The following TRIM33 variants were observed in gnomAD, a reference collection of about 807,000 sequenced individuals.
TRIM33 encodes tripartite motif containing 33, also known as E3 ubiquitin-protein ligase TRIM33.
A neutral mutation model predicts 125.4 loss-of-function variants in TRIM33; 20 were observed. The observed-to-expected ratio is 0.16, with a 90% confidence interval of 0.11 to 0.23. The LOEUF (loss-of-function observed/expected upper bound fraction) is 0.23, where lower values mean the gene tolerates loss of function less well. Ranked by LOEUF, TRIM33 falls within the 10% of genes least tolerant of loss-of-function variation. TRIM33 has a pLI of 1.00. For missense variants in TRIM33, 920 were observed against 1,411.4 expected (o/e 0.65, Z 5.58); for synonymous variants, 564 against 513.9 (o/e 1.10, Z -1.32).
At chr1:114,505,864 A>G (rs1297747867) in intron 1 of TRIM33, among the ~76,000 whole-genome samples, 2 of 152,148 alleles carry the variant, frequency 1.3e-5, no homozygotes, top group Admixed American at 1.3e-4. Flanking sequence ...CACTGTGCCC[A>G]GTCCACAGTA....
At chr1:114,479,923 G>A (rs1034606110) in intron 1 of TRIM33, among the ~76,000 whole-genome samples, 19 of 150,334 alleles carry the variant, frequency 1.3e-4, no homozygotes, top group Admixed American at 8.6e-4. Flanking sequence ...CTGCCCGGCC[G>A]CCCCTGCTGG....
chr1:114,401,772 A>G (rs998904693), intron 16 of TRIM33, among the ~76,000 whole-genome samples: 12 of 152,228 alleles, frequency 7.9e-5, no homozygotes, highest in African/African-American at 2.7e-4. Context: ...TAATAAATAA[A>G]TAAGTAAATA....
intron 1 of TRIM33, among the ~76,000 whole-genome samples, chr1:114,495,893 T>A (rs967563401): frequency 7.2e-5 from 11 of 152,240 alleles, no homozygotes; most frequent in African/African-American, 2.7e-4. Flanking sequence ...AATTTATTAC[T>A]AATTTATTAT....
intron 6 of TRIM33, among the ~76,000 whole-genome samples, chr1:114,430,251 G>T (rs6667058): frequency 0.35 from 53,501 of 151,652 alleles, 10,098 homozygotes; most frequent in African/African-American, 0.46. Context: ...TTCTTTTTCT[G>T]TTTTTCATTT....
chr1:114,497,198 A>T (rs1293414090), intron 1 of TRIM33, among the ~76,000 whole-genome samples: 1 of 152,232 alleles, frequency 6.6e-6, no homozygotes, highest in Non-Finnish European at 1.5e-5. Flanking sequence ...ACAACTACTC[A>T]ATTTTCCCAT....
At chr1:114,463,772 T>G (rs1650129889) in intron 2 of TRIM33, among the ~76,000 whole-genome samples, 1 of 149,482 alleles carries the variant, frequency 6.7e-6, no homozygotes, top group Non-Finnish European at 1.5e-5. Context: ...TTTGACTTTT[T>G]TTTTTTTTTT....
chr1:114,407,200 G>C, intron 13 of TRIM33, 100 bp from the exon 14 acceptor site: 1 of 989,536 alleles, frequency 1.0e-6, no homozygotes, highest in East Asian at 2.6e-5. Context: ...GAAGACAATA[G>C]ACAATTAACT....
Position 114,467,533 on chromosome 1 carries a change from T to A in TRIM33, c.527-3145A>T, listed in dbSNP as rs6537829. 5.4e-3 allele frequency among the ~76,000 whole-genome samples: 814 copies of A among 152,088 alleles called. 5 individuals are homozygous for A. The highest frequency in any genetic ancestry group is 0.019 in the African/African-American group (772 of 41,476). Reference sequence around the variant, plus strand: ...GACAATAACCCTTGTTACACCAATATTTACAAGTCAAGCAGAAGAAACAGA... The same window carrying A: ...GACAATAACCCTTGTTACACCAATAATTACAAGTCAAGCAGAAGAAACAGA... On this transcript the variant is annotated intron_variant, in intron 1 of 19. Transcript: ENST00000358465.
Position 114,395,405 on chromosome 1 carries a change from A to C in TRIM33, c.*2243T>G, listed in dbSNP as rs1413989629. On this transcript the variant is annotated 3_prime_UTR_variant, in exon 20 of 20. Coordinates refer to ENST00000358465, the MANE Select transcript of TRIM33 (RefSeq NM_015906.4). ...TTTTTTAAGGCCCCAAATACTGAAAAATATTTACTTAAAATGTTTCTCCCC... is the reference window on the plus strand; with the variant it reads ...TTTTTTAAGGCCCCAAATACTGAAACATATTTACTTAAAATGTTTCTCCCC... 5.0e-6 allele frequency: 1 copy of C among 199,126 alleles called. No homozygotes were observed. The highest frequency in any genetic ancestry group is 2.3e-5 in the African/African-American group (1 of 43,480). 12.3% of individuals were successfully genotyped at this position (199,126 alleles called of 1,614,324 possible).
chr1:114,511,061 CT>C lies in TRIM33; in HGVS notation c.15del (p.Gly6AlafsTer17). 1 of 1,296,174 alleles carries C rather than the reference CT, an allele frequency of 7.7e-7. No individual in the cohort carries two copies. The highest frequency in any genetic ancestry group is 9.8e-7 in the Non-Finnish European group (1 of 1,018,870). 80.3% of individuals were successfully genotyped at this position (1,296,174 alleles called of 1,614,324 possible). A position where few individuals can be genotyped will look rare whatever the true frequency, so the allele number is the denominator to read the frequency against. On this transcript the variant is annotated frameshift_variant, in exon 1 of 20. Coordinates refer to ENST00000358465, the MANE Select transcript of TRIM33 (RefSeq NM_015906.4). LOFTEE classifies it high-confidence loss of function. MAEN[K>X]GGGEAESGGG... ...CCGCCGCTCTCAGCCTCGCCGCCGC[CT>C]TTGTTTTCCGCCATGTTTTCCTCTT...
At chr1:114,410,152 T>C (rs758317936) in intron 12 of TRIM33, 32 bp downstream of exon 12, 7 of 1,612,386 alleles carry the variant, frequency 4.3e-6, no homozygotes. Context: ...TTTTAAGGTG[T>C]TAAAAAATAA....
intron 1 of TRIM33, chr1:114,468,668 T>C (rs887829096): frequency 3.8e-5 from 17 of 446,342 alleles, no homozygotes; most frequent in Non-Finnish European, 6.8e-5. Flanking sequence ...ATGACCTTAA[T>C]ATTATGCTTG....
intron 1 of TRIM33, among the ~76,000 whole-genome samples, chr1:114,476,677 A>G (rs1308504112): frequency 6.6e-6 from 1 of 152,178 alleles, no homozygotes; most frequent in Non-Finnish European, 1.5e-5. Context: ...ATTTTAAAAG[A>G]TTACTAAGCC....
intron 4 of TRIM33, among the ~76,000 whole-genome samples, chr1:114,461,570 A>T (rs959696441): frequency 1.3e-5 from 2 of 152,034 alleles, no homozygotes; most frequent in African/African-American, 2.4e-5. Flanking sequence ...CATTTTTTTT[A>T]AATTATACAA....
At chr1:114,506,261 T>C (rs914100325) in intron 1 of TRIM33, among the ~76,000 whole-genome samples, 1 of 151,340 alleles carries the variant, frequency 6.6e-6, no homozygotes, top group South Asian at 2.1e-4. Context: ...CGGGTGCCTA[T>C]AATATCAGCT....
At chr1:114,418,373 C>G (rs549625016) in intron 11 of TRIM33, among the ~76,000 whole-genome samples, 1 of 152,238 alleles carries the variant, frequency 6.6e-6, no homozygotes, top group African/African-American at 2.4e-5. Context: ...TGCAAAAATT[C>G]TATCAGTGAA....
intron 1 of TRIM33, among the ~76,000 whole-genome samples, chr1:114,492,092 C>T (rs567208010): frequency 3.5e-4 from 54 of 152,170 alleles, no homozygotes; most frequent in South Asian, 1.5e-3. Context: ...AGTTTCACCT[C>T]AGCTGGGAAT....
rs1431580525 is a variant in TRIM33 at position 114,408,703 on chromosome 1, A to G, written c.2232T>C (p.Ser744=). 1 of 1,605,474 alleles carries G rather than the reference A, an allele frequency of 6.2e-7. No homozygotes were observed. The highest frequency in any genetic ancestry group is 2.2e-5 in the East Asian group (1 of 44,778). The change falls in exon 13 of 20, where the codon AGT becomes AGC. Residue 744 remains serine (S), a synonymous_variant. Transcript: ENST00000358465. ...SNSHTPVRPP[S]TSSTGSRGSC... is the part of the protein sequence containing the mutation. The stretch of plus-strand genomic sequence containing the variant: ...TGCCTCGACTGCCAGTACTAGAAGT[A>G]CTTGGGGGTCTCACAGGTGTGTGAG...
At chr1:114,460,415 A>G (rs544340575) in intron 4 of TRIM33, 2 of 152,718 alleles carry the variant, frequency 1.3e-5, no homozygotes, top group Non-Finnish European at 2.9e-5. Flanking sequence ...TAGAAAAAAA[A>G]AATCAAAATG....
Sources: gnomAD v4.1 joint callset for allele counts (sites outside exome capture counted in the v4.1 genomes callset) on GRCh38, gnomAD v4.1.1 for gene constraint, MANE v1.5 for transcripts, NCBI Gene and HGNC (gene_info 2026-07-23, HGNC 2026-07-21) for gene names.